Variants in PRKCZ observed in about 807,000 individuals in gnomAD.
PRKCZ encodes the protein protein kinase C zeta.
Under a neutral mutation model 79.5 loss-of-function variants are expected in PRKCZ, and 33 were observed. The observed-to-expected ratio is 0.41, with a 90% CI of 0.31 to 0.55. The LOEUF is 0.55. PRKCZ is among the 20% of genes least tolerant of loss of function. The pLI, the probability that PRKCZ is intolerant of heterozygous loss-of-function variation, is 0.19. For synonymous variants in PRKCZ, 342 were observed against 320.9 expected, an observed-to-expected ratio of 1.07 and a Z score of -0.70; for missense variants, 578 against 813.5, an observed-to-expected ratio of 0.71 and a Z score of 3.52.
chr1:2,059,289 T>C (rs773695834), intron 3 of PRKCZ, among the ~76,000 whole-genome samples: 6 of 152,278 alleles, frequency 3.9e-5, no homozygotes, highest in Non-Finnish European at 8.8e-5. Context: ...TAGCTTCCTC[T>C]GATGGCTTTG....
intron 10 of PRKCZ, among the ~76,000 whole-genome samples, chr1:2,163,394 C>A (rs945846445): frequency 6.6e-6 from 1 of 152,310 alleles, no homozygotes; most frequent in South Asian, 2.1e-4. Flanking sequence ...AGTTCCTGGG[C>A]CCATCATCTG....
rs937650942 is a variant in PRKCZ, at chr1:2,125,071, C to T, written c.335-10191C>T. Among the ~76,000 whole-genome samples, 1 of 152,150 alleles carries T rather than the reference C, an allele frequency of 6.6e-6. No homozygotes were observed. The highest frequency in any genetic ancestry group is 6.5e-5 in the Admixed American group (1 of 15,280). ...TGTGCCGGGCGCTGGGCAATCTCTG[C>T]CTCCAGCCTGGGCCTTTGGGTCTGT... On this transcript the variant is annotated intron_variant, in intron 4 of 17. Coordinates refer to ENST00000378567, the MANE Select transcript of PRKCZ (RefSeq NM_002744.6). This position sits in a 1 kb window ranked among gnomAD's most constrained non-coding sequence, Gnocchi z 4.2.
At chr1:2,136,961 A>G (rs1302464990) in intron 5 of PRKCZ, among the ~76,000 whole-genome samples, 1 of 152,070 alleles carries the variant, frequency 6.6e-6, no homozygotes, top group Non-Finnish European at 1.5e-5. Context: ...AAGGGAGTTG[A>G]TTAGGGAGAA....
At chr1:2,058,422 G>A (rs1245073341) in intron 3 of PRKCZ, among the ~76,000 whole-genome samples, 2 of 151,578 alleles carry the variant, frequency 1.3e-5, no homozygotes, top group African/African-American at 4.9e-5. Context: ...AGGCTACAGT[G>A]AACTGTGATT....
At chr1:2,093,686 G>T (rs1388907223) in intron 4 of PRKCZ, among the ~76,000 whole-genome samples, 1 of 152,082 alleles carries the variant, frequency 6.6e-6, no homozygotes, top group Non-Finnish European at 1.5e-5. Flanking sequence ...CTTCAGCCCC[G>T]CCTCTGCCCC....
chr1:2,125,469 C>T lies in PRKCZ; in HGVS notation c.335-9793C>T, dbSNP rs781309874. 1.3e-5 allele frequency among the ~76,000 whole-genome samples: 2 copies of T among 152,130 alleles called. No individual in the cohort carries two copies. Among genetic ancestry groups the T allele is most frequent in the Non-Finnish European group, 2.9e-5 (2 of 68,012 alleles). On this transcript the variant is annotated intron_variant, in intron 4 of 17. Coordinates refer to ENST00000378567, the MANE Select transcript of PRKCZ (RefSeq NM_002744.6). This position sits in a 1 kb window ranked among gnomAD's most constrained non-coding sequence, Gnocchi z 4.2. ...ACAGCAGCATTTGAGGACGGTGGGG[C>T]GGAGGACATCCTGGGGGGCCTGGCT...
chr1:2,125,054 G>T lies in PRKCZ; in HGVS notation c.335-10208G>T, dbSNP rs907371864. Among the ~76,000 whole-genome samples, 1 of 152,172 alleles carries T rather than the reference G, an allele frequency of 6.6e-6. No individual in the cohort carries two copies. Among genetic ancestry groups the T allele is most frequent in the Non-Finnish European group, 1.5e-5 (1 of 68,030 alleles). On this transcript the variant is annotated intron_variant, in intron 4 of 17. Coordinates refer to ENST00000378567, the MANE Select transcript of PRKCZ (RefSeq NM_002744.6). The surrounding 1 kb of genome is among the most constrained non-coding windows in gnomAD (Gnocchi z 4.2). ...CCTTGCCAGCCTGGCTCTGTGCCGGGCGCTGGGCAATCTCTGCCTCCAGCC... is the reference window on the plus strand; with the variant it reads ...CCTTGCCAGCCTGGCTCTGTGCCGGTCGCTGGGCAATCTCTGCCTCCAGCC...
At chr1:2,067,688 G>A (rs1661236399) in intron 4 of PRKCZ, among the ~76,000 whole-genome samples, 1 of 152,200 alleles carries the variant, frequency 6.6e-6, no homozygotes, top group Non-Finnish European at 1.5e-5. Context: ...TCTCCCGCTT[G>A]TTTCTCCATC....
In PRKCZ at chr1:2,162,780, A is replaced by G. The variant is rs149322830; in HGVS notation, c.974+6688A>G. ...TGTTTAATTTTGTCTTGAGTGTTTC[A>G]TCTCGTTTCTGTTATAAACGAGGTA... On this transcript the variant is annotated intron_variant, in intron 10 of 17. Transcript: ENST00000378567. 1.3e-3 allele frequency among the ~76,000 whole-genome samples: 196 copies of G among 152,238 alleles called. 5 individuals carry two copies. The highest frequency in any genetic ancestry group is 9.9e-3 in the Admixed American group (151 of 15,284).
chr1:2,106,484 CCA>C (rs1396449521), intron 4 of PRKCZ, among the ~76,000 whole-genome samples: 16 of 118,762 alleles, frequency 1.3e-4, no homozygotes, highest in African/African-American at 4.4e-4. Flanking sequence ...GCGAGGACCT[CCA>C]CACGTGTCAC....
chr1:2,104,879 G>C, intron 4 of PRKCZ: 2 of 985,516 alleles, frequency 2.0e-6, no homozygotes, highest in Non-Finnish European at 2.4e-6. Context: ...TTCAGAGAGA[G>C]AAGAGCAGTT....
At chr1:2,110,116 C>CTGCCTCCAG (rs1454939623) in intron 4 of PRKCZ, among the ~76,000 whole-genome samples, 6 of 95,878 alleles carry the variant, frequency 6.3e-5, no homozygotes, top group African/African-American at 1.3e-4. Context: ...AGGGCTGAAT[C>CTGCCTCCAG]CGGGGCCCTC....
chr1:2,167,566 G>A (rs1683586223), intron 10 of PRKCZ, among the ~76,000 whole-genome samples: 1 of 152,154 alleles, frequency 6.6e-6, no homozygotes, highest in African/African-American at 2.4e-5. Context: ...CAAAAAATGT[G>A]CGGTGAAGTC....
At chr1:2,129,464 C>T (rs775230235) in intron 4 of PRKCZ, among the ~76,000 whole-genome samples, 1 of 151,994 alleles carries the variant, frequency 6.6e-6, no homozygotes, top group African/African-American at 2.4e-5. Flanking sequence ...CACGTGGGCT[C>T]CTGGAAGAGG....
Position 2,171,947 on chromosome 1 carries a change from A to G in PRKCZ, c.1062-108A>G, listed in dbSNP as rs903258650. ...AATCCTGGGCCTGGTCATTGAGAGG[A>G]TGCCGGGCCCGTGGTGGGGCAAACG... On this transcript the variant is annotated intron_variant, in intron 11 of 17. Transcript: ENST00000378567. 16 of 1,338,760 alleles carry G rather than the reference A, an allele frequency of 1.2e-5. No homozygotes were observed. The South Asian group carries it at 2.3e-4, about 20-fold the overall frequency. 82.9% of individuals were successfully genotyped at this position (1,338,760 alleles called of 1,614,324 possible).
chr1:2,135,294 A>C lies in PRKCZ; in HGVS notation c.367A>C (p.Arg123=), dbSNP rs1232732633. 6.2e-7 allele frequency: 1 copy of C among 1,613,452 alleles called. No individual in the cohort carries two copies. Among genetic ancestry groups the C allele is most frequent in the Non-Finnish European group, 8.5e-7 (1 of 1,179,840 alleles). Residue 123 remains arginine, a synonymous_variant, in exon 5 of 18, where the codon AGG becomes CGG. Transcript: ENST00000378567. ...CTACCGCCGGGGAGCCAGAAGATGGAGGAAGCTGTACCGTGCCAACGGCCA... is the reference window on the plus strand; with the variant it reads ...CTACCGCCGGGGAGCCAGAAGATGGCGGAAGCTGTACCGTGCCAACGGCCA... ...SIYRRGARRW[R]KLYRANGHLF...
In PRKCZ at chr1:2,165,647, G is replaced by A. The variant is rs917942764; in HGVS notation, c.975-3871G>A. ...GCGTTCTAAAACAGAAGCAGCCTTA[G>A]ACACTGCGTGAAGGGACGCGTGTGG... is the stretch of plus-strand genomic sequence containing the variant. On this transcript the variant is annotated intron_variant, in intron 10 of 17. Transcript: ENST00000378567. This position sits in a 1 kb window ranked among gnomAD's most constrained non-coding sequence, Gnocchi z 4.1. 8.3e-4 allele frequency among the ~76,000 whole-genome samples: 127 copies of A among 152,366 alleles called. 1 individual carries two copies. Among genetic ancestry groups the A allele is most frequent in the Non-Finnish European group, 2.4e-4 (16 of 68,038 alleles).
At chr1:2,068,338 A>G (rs895119701) in intron 4 of PRKCZ, among the ~76,000 whole-genome samples, 2 of 152,210 alleles carry the variant, frequency 1.3e-5, no homozygotes, top group African/African-American at 4.8e-5. Flanking sequence ...ACCCAGGCCA[A>G]GGTGTGGCCA....
In PRKCZ at chr1:2,173,689, A is replaced by G. The variant is rs1684910656; in HGVS notation, c.1286-208A>G. ...CAGAGGCAGCCTGGGAGACCTCCGT[A>G]GTGTCAGGGACGGTGGCAGGGAGGC... On this transcript the variant is annotated intron_variant, in intron 13 of 17. Transcript: ENST00000378567. The surrounding 1 kb of genome is among the most constrained non-coding windows in gnomAD (Gnocchi z 5.7). 6.6e-6 allele frequency among the ~76,000 whole-genome samples: 1 copy of G among 152,156 alleles called. No individual in the cohort carries two copies. The highest frequency in any genetic ancestry group is 6.5e-5 in the Admixed American group (1 of 15,276).
Sources: allele counts gnomAD v4.1 joint callset (sites outside exome capture counted in the v4.1 genomes callset), GRCh38; gene constraint gnomAD v4.1.1; non-coding constraint Gnocchi (gnomAD v3.1); transcripts MANE v1.5; gene names NCBI Gene and HGNC (gene_info 2026-07-23, HGNC 2026-07-21).